HECTD4: variants seen among roughly 807,000 people sequenced by gnomAD.
HECTD4 encodes HECT domain E3 ubiquitin protein ligase 4.
HECTD4 carries 114 observed loss-of-function variants against 471.5 expected under a neutral mutation model. That is an observed-to-expected ratio of 0.24 (90% CI 0.21 to 0.28). The LOEUF is 0.28. Ranked by LOEUF, HECTD4 falls within the 10% of genes least tolerant of loss-of-function variation. HECTD4 has a pLI of 1.00. For missense variants in HECTD4, 3,866 were observed against 5,651.5 expected (o/e 0.68, Z 10.13); for synonymous variants, 2,012 against 2,256.0 (o/e 0.89, Z 3.07).
In HECTD4 at chr12:112,359,293, CT is replaced by C. The variant is rs1309972807; in HGVS notation, c.177+22658del. ...AATCTTCTCTACCATGTGAATCATGCTTTTTTTTTTTTAAAGGAATAATATA... is the reference window on the plus strand; with the variant it reads ...AATCTTCTCTACCATGTGAATCATGCTTTTTTTTTTTAAAGGAATAATATA... On this transcript the variant is annotated intron_variant, in intron 1 of 75. Transcript: ENST00000682272. Among the ~76,000 whole-genome samples the C allele has an allele frequency of 3.0e-3, 423 of 143,128 alleles. 1 individual carries two copies. Among genetic ancestry groups the C allele is most frequent in the African/African-American group, 4.5e-3 (179 of 39,382 alleles). The allele number at this position is 143,128 out of a possible 152,430, so 93.9% of individuals were successfully genotyped here.
In HECTD4 at chr12:112,270,287, C is replaced by T. The variant is rs1237575907; in HGVS notation, c.2115G>A (p.Met705Ile). The change falls in exon 12 of 76, where the codon ATG (methionine) becomes ATA (isoleucine). Residue 705 changes from methionine to isoleucine, a missense_variant. Around this residue, in one of 16 missense-constraint regions of HECTD4, gnomAD observed 525 missense variants for 672.6 expected, o/e 0.78. Transcript: ENST00000682272. ...AHHLSSICDI[M>I]EKAMVNGDTC... ...TATCTCCATTAACCATGGCCTTCTC[C>T]ATAATGTCACAAATACTGCTAAGAT... The T allele has an allele frequency of 1.9e-6, 3 of 1,614,028 alleles. No homozygotes were observed. The highest frequency in any genetic ancestry group is 2.2e-5 in the East Asian group (1 of 44,892).
intron 7 of HECTD4, among the ~76,000 whole-genome samples, chr12:112,301,201 G>C (rs1375738364): frequency 2.2e-5 from 3 of 135,660 alleles, no homozygotes; most frequent in Non-Finnish European, 4.7e-5. Flanking sequence ...TTTTTTTTTT[G>C]AGATGGAGTC....
intron 1 of HECTD4, among the ~76,000 whole-genome samples, chr12:112,353,217 C>A (rs909860055): frequency 6.6e-6 from 1 of 152,164 alleles, no homozygotes; most frequent in East Asian, 1.9e-4. Flanking sequence ...GACAGCTCTG[C>A]GTTCCAAGAA....
At chr12:112,249,160 G>C (rs1221180498) in intron 25 of HECTD4, among the ~76,000 whole-genome samples, 1 of 152,060 alleles carries the variant, frequency 6.6e-6, no homozygotes, top group Non-Finnish European at 1.5e-5. Flanking sequence ...TTTGAGACCA[G>C]ACTGGCCAAC....
intron 54 of HECTD4, chr12:112,201,153 G>T (rs930164940): frequency 2.2e-6 from 1 of 448,258 alleles, no homozygotes; most frequent in Admixed American, 2.4e-5. Context: ...GAGTGCAGTG[G>T]TGTCATCTCG....
chr12:112,251,037 T>C lies in HECTD4; in HGVS notation c.3650A>G (p.Asn1217Ser), dbSNP rs1481247876. 6.2e-7 allele frequency: 1 copy of C among 1,614,018 alleles called. No homozygotes were observed. The highest frequency in any genetic ancestry group is 2.2e-5 in the East Asian group (1 of 44,888). ...LACSMLRILY[N>S]GPEITKEEEA... is the part of the protein sequence containing the mutation. ...TTCTTCTTTGGTAATTTCTGGTCCATTGTACAGGATTCTTAACATGGAACA... is the reference window on the plus strand; with the variant it reads ...TTCTTCTTTGGTAATTTCTGGTCCACTGTACAGGATTCTTAACATGGAACA... Residue 1217 changes from asparagine (N) to serine (S), a missense_variant, in exon 24 of 76, where the codon AAT becomes AGT. Physicochemically the swap from Asn to Ser is conservative, Grantham distance 46 (BLOSUM62 1). This residue lies in a region of HECTD4 where 281 missense variants were observed against 499.9 expected (regional missense o/e 0.56). Transcript: ENST00000682272.
In HECTD4 at chr12:112,235,914, T is replaced by C. The variant is rs911473908; in HGVS notation, c.5445-130A>G. 58 of 781,364 alleles carry C rather than the reference T, an allele frequency of 7.4e-5. No homozygotes were observed. In the South Asian group the frequency reaches 9.2e-4, roughly 12 times the overall value. The allele number at this position is 781,364 out of a possible 1,614,324, so 48.4% of individuals were successfully genotyped here. Reference sequence around the variant, plus strand: ...ACGAGGAATCATGAATGTGGCACTATGCTTCTGTGAAGAATTAAGAATTTT... The same window carrying C: ...ACGAGGAATCATGAATGTGGCACTACGCTTCTGTGAAGAATTAAGAATTTT... On this transcript the variant is annotated intron_variant, in intron 35 of 75. Transcript: ENST00000682272. This position sits in a 1 kb window ranked among gnomAD's most constrained non-coding sequence, Gnocchi z 5.0.
intron 9 of HECTD4, among the ~76,000 whole-genome samples, chr12:112,276,674 T>C (rs1039670603): frequency 1.3e-5 from 2 of 152,164 alleles, no homozygotes; most frequent in Admixed American, 1.3e-4. Context: ...CTCGATCTCT[T>C]GACCTCATGA....
chr12:112,264,215 T>A lies in HECTD4; in HGVS notation c.2620-3A>T. ...TAGCGCAGGCAGGAGGATGCAGCCT[T>A]TAATACAAATAAGGGCATTTAAATG... On this transcript the variant is annotated splice_polypyrimidine_tract_variant and splice_region_variant and intron_variant, in intron 16 of 75. Coordinates refer to ENST00000682272, the MANE Select transcript of HECTD4 (RefSeq NM_001388303.1). 1 of 1,584,530 alleles carries A rather than the reference T, an allele frequency of 6.3e-7. No homozygotes were observed. Among genetic ancestry groups the A allele is most frequent in the Non-Finnish European group, 8.6e-7 (1 of 1,164,648 alleles).
Position 112,231,576 on chromosome 12 carries a change from G to A in HECTD4, c.6137C>T (p.Thr2046Ile). Residue 2046 changes from threonine to isoleucine, a missense_variant, in exon 39 of 76, where the codon ACA becomes ATA. By Grantham distance (89) the Thr-to-Ile change is moderately conservative (BLOSUM62 -1). This residue lies in a region of HECTD4 where 617 missense variants were observed against 915.1 expected (regional missense o/e 0.67). Transcript: ENST00000682272. The part of the protein sequence containing the change: ...INPETVSGLS[T>I]GDKKKTAQTS... ...TTGGGCAGTTTTCTTTTTGTCGCCT[G>A]TGGATAGTCCACTCACAGTCTCTGG... is the stretch of plus-strand genomic sequence containing the variant. 2 of 1,614,040 alleles carry A rather than the reference G, an allele frequency of 1.2e-6. No individual in the cohort carries two copies. Among genetic ancestry groups the A allele is most frequent in the African/African-American group, 1.3e-5 (1 of 75,064 alleles).
At chr12:112,200,492 T>C (rs1168424292) in intron 55 of HECTD4, 146 bp downstream of exon 55, 1 of 828,224 alleles carries the variant, frequency 1.2e-6, no homozygotes, top group African/African-American at 1.7e-5. Flanking sequence ...TCCTGCAATT[T>C]TGCTGTTATC....
chr12:112,352,194 G>C (rs2036257502), intron 1 of HECTD4, among the ~76,000 whole-genome samples: 1 of 152,216 alleles, frequency 6.6e-6, no homozygotes, highest in East Asian at 1.9e-4. Flanking sequence ...TGGCGAGGAG[G>C]GGACATCAGA....
In HECTD4 at chr12:112,228,127, C is replaced by T; in HGVS notation, c.6816G>A (p.Val2272=). The change falls in exon 43 of 76, where the codon GTG becomes GTA. Residue 2272 remains valine, a synonymous_variant. Transcript: ENST00000682272. This position sits in a 1 kb window ranked among gnomAD's most constrained non-coding sequence, Gnocchi z 4.9. ...LPATGDGSAP[V]MAVVRLLAEI... ...CAGCAAGGAGCCGAACGACTGCCAT[C>T]ACAGGAGCTGACCCATCTCCTGTTG... 1 of 1,613,464 alleles carries T rather than the reference C, an allele frequency of 6.2e-7. No homozygotes were observed. Among genetic ancestry groups the T allele is most frequent in the Non-Finnish European group, 8.5e-7 (1 of 1,179,678 alleles).
At chr12:112,253,613 C>T (rs189450209) in intron 22 of HECTD4, among the ~76,000 whole-genome samples, 2 of 152,300 alleles carry the variant, frequency 1.3e-5, no homozygotes, top group Admixed American at 6.5e-5. Context: ...AAGCATGGCA[C>T]TAATTTCATC....
chr12:112,229,608 G>A (rs1026294808), intron 41 of HECTD4, 90 bp downstream of exon 41: 18 of 1,302,290 alleles, frequency 1.4e-5, no homozygotes, highest in Non-Finnish European at 1.8e-5. Context: ...CAGCTGGTTG[G>A]ATAATACTTG....
intron 67 of HECTD4, chr12:112,171,466 G>T (rs1344507406): frequency 1.3e-6 from 1 of 753,990 alleles, no homozygotes; most frequent in Non-Finnish European, 2.1e-6. Flanking sequence ...GGCCTGGCTG[G>T]CCAGATGGAG....
In HECTD4 at chr12:112,250,188, C is replaced by A. The variant is rs2033849461; in HGVS notation, c.3906G>T (p.Arg1302Ser). Reference protein sequence around the residue: ...RLPPGIMIKLREISGRARPQF... With the variant: ...RLPPGIMIKLSEISGRARPQF... ...GAGGTCTAGCACGCCCAGAAATTTC[C>A]CTGAGCTTTATCATGATTCCTGGAG... is the stretch of plus-strand genomic sequence containing the variant. The change falls in exon 25 of 76, where the codon AGG becomes AGT. Residue 1302 changes from arginine to serine, a missense_variant. Around this residue, in one of 16 missense-constraint regions of HECTD4, gnomAD observed 281 missense variants for 499.9 expected, o/e 0.56. Coordinates refer to ENST00000682272, the MANE Select transcript of HECTD4 (RefSeq NM_001388303.1). The A allele has an allele frequency of 6.2e-7, 1 of 1,613,874 alleles. No individual in the cohort carries two copies. Among genetic ancestry groups the A allele is most frequent in the Non-Finnish European group, 8.5e-7 (1 of 1,179,860 alleles).
At chr12:112,229,983 AG>A in intron 40 of HECTD4, 103 bp from the exon 41 acceptor site, 1 of 1,094,192 alleles carries the variant, frequency 9.1e-7, no homozygotes, top group Non-Finnish European at 1.3e-6. Context: ...CATGTATTGA[AG>A]GAACTCTGGA....
chr12:112,186,341 A>ATTT lies in HECTD4; in HGVS notation c.9473-851_9473-849dup, dbSNP rs773102015. 7.3e-4 allele frequency among the ~76,000 whole-genome samples: 82 copies of ATTT among 111,828 alleles called. 1 individual carries two copies. The highest frequency in any genetic ancestry group is 6.0e-3 in the South Asian group (21 of 3,478). The allele number at this position is 111,828 out of a possible 152,430, so 73.4% of individuals were successfully genotyped here. A position where few individuals can be genotyped will look rare whatever the true frequency, so the allele number is the denominator to read the frequency against. On this transcript the variant is annotated intron_variant, in intron 60 of 75. Coordinates refer to ENST00000682272, the MANE Select transcript of HECTD4 (RefSeq NM_001388303.1). The stretch of plus-strand genomic sequence containing the variant: ...TTTTTTTTTAATTATTTTTTTAATA[A>ATTT]TTTTTTTTTTTTTTGAGAGTGAGTC...
Sources: gnomAD v4.1 joint callset for allele counts (sites outside exome capture counted in the v4.1 genomes callset) on GRCh38, gnomAD v4.1.1 for gene constraint, gnomAD v4.1.1 regional missense constraint, Gnocchi (gnomAD v3.1) non-coding constraint, MANE v1.5 for transcripts, NCBI Gene and HGNC (gene_info 2026-07-23, HGNC 2026-07-21) for gene names.